Variants in IL1RAPL1 observed in about 807,000 individuals in gnomAD.
IL1RAPL1 encodes the protein interleukin-1 receptor accessory protein-like 1.
Under a neutral mutation model 48.4 loss-of-function variants are expected in IL1RAPL1, and 3 were observed. The observed-to-expected ratio is 0.06, with a 90% CI of 0.03 to 0.16. IL1RAPL1 has a LOEUF of 0.16. Among genes scored for constraint, IL1RAPL1 ranks in the 10% least tolerant of loss-of-function variants. The probability of loss-of-function intolerance (pLI) is 1.00; values close to 1 mark genes in which losing one functional copy is unlikely to be tolerated. For synonymous variants in IL1RAPL1, 185 were observed against 187.7 expected (o/e 0.99, Z 0.12); for missense variants, 349 against 530.6 (o/e 0.66, Z 3.36).
chrX:28,987,698 A>T (rs1395419732), intron 2 of IL1RAPL1, among the ~76,000 whole-genome samples: 1 of 112,118 alleles, frequency 8.9e-6, no homozygotes, highest in Non-Finnish European at 1.9e-5. Context: ...TTGGATTAAA[A>T]TAGAGAAGCA....
intron 2 of IL1RAPL1, among the ~76,000 whole-genome samples, chrX:29,027,734 A>T (rs1027162420): frequency 9.0e-6 from 1 of 111,427 alleles, no homozygotes; most frequent in African/African-American, 3.3e-5. Flanking sequence ...GGCCATTCTA[A>T]TAGTTGTGTA....
intron 6 of IL1RAPL1, among the ~76,000 whole-genome samples, chrX:29,797,735 C>T (rs1601826612): frequency 9.0e-6 from 1 of 110,818 alleles, no homozygotes; most frequent in East Asian, 2.8e-4. Flanking sequence ...TAGCCAGTCG[C>T]GGTGGCACAC....
At chrX:28,806,202 G>A (rs1311216377) in intron 2 of IL1RAPL1, among the ~76,000 whole-genome samples, 1 of 111,935 alleles carries the variant, frequency 8.9e-6, no homozygotes, top group African/African-American at 3.2e-5. Context: ...AGGAATTAAA[G>A]CTTTATTTTT....
intron 2 of IL1RAPL1, among the ~76,000 whole-genome samples, chrX:29,182,690 T>G (rs1233062336): frequency 9.0e-6 from 1 of 110,836 alleles, no homozygotes; most frequent in Non-Finnish European, 1.9e-5. Flanking sequence ...ACTTGTAACA[T>G]ATGTGCCCTG....
chrX:28,825,290 A>G (rs995559330), intron 2 of IL1RAPL1, among the ~76,000 whole-genome samples: 3 of 111,692 alleles, frequency 2.7e-5, no homozygotes, highest in African/African-American at 9.7e-5. Context: ...GCTATAAGAT[A>G]GTCATCTCAG....
chrX:28,653,824 C>T (rs962092669), intron 1 of IL1RAPL1, among the ~76,000 whole-genome samples: 2 of 111,868 alleles, frequency 1.8e-5, no homozygotes, highest in African/African-American at 6.5e-5. Context: ...AATCCAACTC[C>T]TCTGTCAGGC....
intron 8 of IL1RAPL1, among the ~76,000 whole-genome samples, chrX:29,940,934 A>C (rs758309779): frequency 5.8e-4 from 64 of 110,944 alleles, no homozygotes; most frequent in Non-Finnish European, 5.9e-4. Context: ...ATCCACTAGG[A>C]GGCCTACTTC....
At chrX:28,699,206 T>A (rs752931257) in intron 1 of IL1RAPL1, among the ~76,000 whole-genome samples, 22 of 112,190 alleles carry the variant, frequency 2.0e-4, no homozygotes, top group Middle Eastern at 9.3e-3. Context: ...ACCTCAGAGA[T>A]AACTGAAACC....
intron 3 of IL1RAPL1, among the ~76,000 whole-genome samples, chrX:29,310,130 G>A (rs376747501): frequency 0.11 from 1,747 of 15,253 alleles, 4 homozygotes; most frequent in Middle Eastern, 0.17. Flanking sequence ...AAAAAAAAAA[G>A]AAAGGAAAAA....
chrX:29,222,220 T>A (rs1930996244), intron 2 of IL1RAPL1, among the ~76,000 whole-genome samples: 1 of 111,043 alleles, frequency 9.0e-6, no homozygotes, highest in African/African-American at 3.3e-5. Context: ...TCAAGAATAT[T>A]TGAAAGAATG....
At chrX:29,606,351 T>TA (rs35306161) in intron 5 of IL1RAPL1, among the ~76,000 whole-genome samples, 31,339 of 110,320 alleles carry the variant, frequency 0.28, 3,411 homozygotes, top group South Asian at 0.47. Flanking sequence ...GTCCTCCTAA[T>TA]AGGCAGACAA....
intron 2 of IL1RAPL1, among the ~76,000 whole-genome samples, chrX:29,184,764 G>C (rs1206892099): frequency 8.9e-6 from 1 of 111,844 alleles, no homozygotes; most frequent in Non-Finnish European, 1.9e-5. Flanking sequence ...GCTTCCCAAA[G>C]TGCTAGGATT....
At chrX:29,697,845 CTTAA>C (rs764670465) in intron 6 of IL1RAPL1, among the ~76,000 whole-genome samples, 20 of 111,189 alleles carry the variant, frequency 1.8e-4, no homozygotes, top group African/African-American at 6.5e-4. Flanking sequence ...GAAGTTGCTT[CTTAA>C]TTGTTCTTTC....
chrX:29,672,075 C>A (rs1926156441), intron 6 of IL1RAPL1, among the ~76,000 whole-genome samples: 1 of 111,525 alleles, frequency 9.0e-6, no homozygotes, highest in Admixed American at 9.6e-5. Context: ...ACAAAATATC[C>A]TTTTAATGGC....
At position 29,899,632 on chromosome X, in the gene IL1RAPL1, C is replaced by G. The variant is rs1052099986; in HGVS notation, c.779-17832C>G. 1.8e-4 allele frequency among the ~76,000 whole-genome samples: 20 copies of G among 108,872 alleles called. No individual in the cohort carries two copies. The East Asian group carries it at 3.8e-3, about 21-fold the overall frequency. The allele number at this position is 108,872 out of a possible 115,157, so 94.5% of individuals were successfully genotyped here. ...GATCTCGGCTCACTGCAGCCTCCCC[C>G]TCCTGGGTTCAAATGATTCTCCCAC... On this transcript the variant is annotated intron_variant, in intron 6 of 10. Coordinates refer to ENST00000378993, the MANE Select transcript of IL1RAPL1 (RefSeq NM_014271.4).
Position 29,803,176 on chromosome X carries a change from CATATATGT to C in IL1RAPL1, c.779-114276_779-114269del, listed in dbSNP as rs763358847. Among the ~76,000 whole-genome samples the C allele has an allele frequency of 4.6e-4, 23 of 49,562 alleles. 2 individuals are homozygous for C. The South Asian group carries it at 7.1e-3, about 15-fold the overall frequency. 43.0% of individuals were successfully genotyped at this position (49,562 alleles called of 115,157 possible). ...GTATACATGCATACACATATGCATA[CATATATGT>C]ATATATGTATACATATACACACATG... On this transcript the variant is annotated intron_variant, in intron 6 of 10. Transcript: ENST00000378993.
At chrX:29,468,088 T>C (rs1934883395) in intron 5 of IL1RAPL1, among the ~76,000 whole-genome samples, 1 of 111,976 alleles carries the variant, frequency 8.9e-6, no homozygotes, top group East Asian at 2.8e-4. Flanking sequence ...CTCGAACTCC[T>C]GACCTCAAGT....
At chrX:29,417,480 A>G (rs769931963) in intron 5 of IL1RAPL1, among the ~76,000 whole-genome samples, 7 of 111,737 alleles carry the variant, frequency 6.3e-5, no homozygotes, top group African/African-American at 1.3e-4. Context: ...TATGAATTCT[A>G]TGTAAGATGT....
At chrX:29,279,144 A>G (rs756576779) in intron 2 of IL1RAPL1, among the ~76,000 whole-genome samples, 53 of 112,511 alleles carry the variant, frequency 4.7e-4, no homozygotes, top group Non-Finnish European at 8.6e-4. Flanking sequence ...ATTTGTTTAA[A>G]TGATTTTATG....
Sources: gnomAD v4.1 joint callset for allele counts (sites outside exome capture counted in the v4.1 genomes callset) on GRCh38, gnomAD v4.1.1 for gene constraint, MANE v1.5 for transcripts, NCBI Gene and HGNC (gene_info 2026-07-23, HGNC 2026-07-21) for gene names.